Variants in FSTL5 observed in about 807,000 individuals in gnomAD.
The protein encoded by FSTL5 is follistatin-related protein 5.
A neutral mutation model predicts 89.1 loss-of-function variants in FSTL5; 62 were observed. That is an observed-to-expected ratio of 0.70 (90% CI 0.57 to 0.86). The LOEUF (loss-of-function observed/expected upper bound fraction) is 0.86, where lower values mean the gene tolerates loss of function less well. Ranked by LOEUF, FSTL5 falls within the 40% of genes least tolerant of loss-of-function variation. The pLI, the probability that FSTL5 is intolerant of heterozygous loss-of-function variation, is 0.00. For missense variants in FSTL5, 1,057 were observed against 1,001.6 expected (o/e 1.06, Z -0.75); for synonymous variants, 383 against 346.2 (o/e 1.11, Z -1.18).
intron 6 of FSTL5, among the ~76,000 whole-genome samples, chr4:161,742,110 T>TA (rs1045688192): frequency 2.5e-4 from 38 of 149,600 alleles, no homozygotes; most frequent in African/African-American, 7.4e-4. Flanking sequence ...AGTTTGTGAG[T>TA]AAAAAAAAAG....
At chr4:161,952,196 C>G (rs1734914039) in intron 3 of FSTL5, among the ~76,000 whole-genome samples, 1 of 151,986 alleles carries the variant, frequency 6.6e-6, no homozygotes, top group Non-Finnish European at 1.5e-5. Context: ...TTTGATCAGA[C>G]TATCAGCTGC....
intron 3 of FSTL5, among the ~76,000 whole-genome samples, chr4:161,964,095 T>C (rs553494113): frequency 1.3e-4 from 20 of 152,154 alleles, no homozygotes; most frequent in African/African-American, 4.8e-4. Context: ...ATACTTGTGA[T>C]GATTTGAGCC....
chr4:161,992,668 C>G (rs1736145523), intron 3 of FSTL5, among the ~76,000 whole-genome samples: 1 of 150,820 alleles, frequency 6.6e-6, no homozygotes, highest in Non-Finnish European at 1.5e-5. Context: ...CATGGCGAAA[C>G]CCCATCTCTA....
intron 15 of FSTL5, among the ~76,000 whole-genome samples, chr4:161,440,827 T>C (rs72681791): frequency 0.2 from 30,755 of 152,132 alleles, 3,879 homozygotes; most frequent in Non-Finnish European, 0.29. Flanking sequence ...ATAGGATTGA[T>C]GTTTACATTT....
intron 7 of FSTL5, among the ~76,000 whole-genome samples, chr4:161,588,380 C>A (rs1733691328): frequency 6.6e-6 from 1 of 151,612 alleles, no homozygotes; most frequent in Non-Finnish European, 1.5e-5. Flanking sequence ...ACATTTATAG[C>A]CATAACATAG....
intron 11 of FSTL5, among the ~76,000 whole-genome samples, chr4:161,503,625 A>T (rs1578882780): frequency 6.6e-6 from 1 of 151,992 alleles, no homozygotes; most frequent in African/African-American, 2.4e-5. Flanking sequence ...GAAGATTTCC[A>T]TTCAGTGTTT....
intron 6 of FSTL5, chr4:161,664,832 G>A (rs532955588): frequency 1.8e-5 from 3 of 169,908 alleles, no homozygotes; most frequent in Non-Finnish European, 3.6e-5. Context: ...ACATGTCTGG[G>A]GAGGCCTCAG....
At chr4:161,706,152 C>G (rs1167823119) in intron 6 of FSTL5, among the ~76,000 whole-genome samples, 1 of 150,650 alleles carries the variant, frequency 6.6e-6, no homozygotes, top group Admixed American at 6.7e-5. Flanking sequence ...ATATATATCT[C>G]ATGTCACTGG....
chr4:161,963,483 T>C (rs1314006995), intron 3 of FSTL5, among the ~76,000 whole-genome samples: 1 of 151,910 alleles, frequency 6.6e-6, no homozygotes, highest in African/African-American at 2.4e-5. Flanking sequence ...ACAGATAATG[T>C]GATTTTCCTC....
intron 7 of FSTL5, among the ~76,000 whole-genome samples, chr4:161,599,774 T>C (rs1161538888): frequency 2.0e-5 from 3 of 152,148 alleles, no homozygotes; most frequent in Non-Finnish European, 4.4e-5. Context: ...TTTGCTATAA[T>C]TTCTTTTCTC....
intron 1 of FSTL5, among the ~76,000 whole-genome samples, chr4:162,128,556 T>C (rs1370576433): frequency 6.6e-6 from 1 of 152,188 alleles, no homozygotes; most frequent in Non-Finnish European, 1.5e-5. Context: ...AATATTAGGC[T>C]TCCCAACCTC....
intron 2 of FSTL5, among the ~76,000 whole-genome samples, chr4:162,055,716 T>A (rs1477169129): frequency 6.6e-6 from 1 of 151,920 alleles, no homozygotes; most frequent in African/African-American, 2.4e-5. Context: ...GTGGAGAGAT[T>A]TACTATGTAT....
chr4:162,049,446 G>A (rs1258341405), intron 2 of FSTL5, among the ~76,000 whole-genome samples: 2 of 152,144 alleles, frequency 1.3e-5, no homozygotes, highest in Non-Finnish European at 2.9e-5. Flanking sequence ...TAACAAAAGT[G>A]TATGGGTTAC....
chr4:162,064,883 A>G (rs1738837167), intron 2 of FSTL5, among the ~76,000 whole-genome samples: 1 of 152,048 alleles, frequency 6.6e-6, no homozygotes, highest in South Asian at 2.1e-4. Flanking sequence ...ATAGTATGGC[A>G]TAAAAGGGCA....
chr4:162,140,363 C>G (rs1464215862), intron 1 of FSTL5, among the ~76,000 whole-genome samples: 1 of 141,930 alleles, frequency 7.0e-6, no homozygotes, highest in South Asian at 2.2e-4. Flanking sequence ...CCAGTAACAA[C>G]CCAAGAGCCC....
chr4:161,612,263 T>C (rs1322885111), intron 7 of FSTL5, among the ~76,000 whole-genome samples: 3 of 152,218 alleles, frequency 2.0e-5, no homozygotes, highest in Non-Finnish European at 4.4e-5. Context: ...TGAATGGAAG[T>C]ATTGTACTCA....
intron 3 of FSTL5, among the ~76,000 whole-genome samples, chr4:161,961,452 A>C (rs1410026783): frequency 6.6e-6 from 1 of 151,926 alleles, no homozygotes; most frequent in Non-Finnish European, 1.5e-5. Context: ...TGACTAACTG[A>C]ACTGGTATAC....
Position 161,609,487 on chromosome 4 carries a change from T to C in FSTL5, c.895-21912A>G, listed in dbSNP as rs566718286. 8.5e-5 allele frequency among the ~76,000 whole-genome samples: 13 copies of C among 152,280 alleles called. 2 individuals carry two copies. The South Asian group carries it at 2.7e-3, about 32-fold the overall frequency. ...CAAATATCCATAAACACTTAAATTA[T>C]GTATTTCATTGGATTATGTAGCAAA... On this transcript the variant is annotated intron_variant, in intron 7 of 15. Coordinates refer to ENST00000306100, the MANE Select transcript of FSTL5 (RefSeq NM_020116.5).
At chr4:162,148,883 A>G (rs1343860408) in intron 1 of FSTL5, among the ~76,000 whole-genome samples, 1 of 152,206 alleles carries the variant, frequency 6.6e-6, no homozygotes, top group Non-Finnish European at 1.5e-5. Flanking sequence ...TCAGTGAGTG[A>G]ACTCTTCAGA....
Sources: gnomAD v4.1 joint callset for allele counts (sites outside exome capture counted in the v4.1 genomes callset) on GRCh38, gnomAD v4.1.1 for gene constraint, MANE v1.5 for transcripts, NCBI Gene and HGNC (gene_info 2026-07-23, HGNC 2026-07-21) for gene names.